Variants in LRMDA observed in about 807,000 individuals in gnomAD.
LRMDA encodes leucine rich melanocyte differentiation associated.
A neutral mutation model predicts 29.8 loss-of-function variants in LRMDA; 18 were observed. The ratio of observed to expected loss-of-function variants is 0.60; its 90% CI spans 0.42 to 0.90. The LOEUF is 0.90. Ranked by LOEUF, LRMDA falls within the 40% of genes least tolerant of loss-of-function variation. LRMDA has a pLI of 0.00. For synonymous variants in LRMDA, 125 were observed against 109.4 expected (o/e 1.14, Z -0.89); for missense variants, 273 against 273.9 (o/e 1.00, Z 0.02).
At chr10:76,055,095 GAAAA>G (rs370520940) in intron 4 of LRMDA, among the ~76,000 whole-genome samples, 11 of 90,836 alleles carry the variant, frequency 1.2e-4, no homozygotes, top group African/African-American at 3.5e-4. Flanking sequence ...AAAAAAAAAA[GAAAA>G]AGAAAAGAAA....
chr10:76,517,542 C>T lies in LRMDA; in HGVS notation c.602-39667C>T, dbSNP rs548448602. 2.6e-5 allele frequency among the ~76,000 whole-genome samples: 4 copies of T among 151,546 alleles called. No individual in the cohort carries two copies. The South Asian group carries it at 8.3e-4, about 32-fold the overall frequency. On this transcript the variant is annotated intron_variant, in intron 6 of 6. Transcript: ENST00000611255. ...GCAAAATAAGAAATATTGGTATGGACAAAATGGAAAGAATTTACTAACTGT... is the reference window on the plus strand; with the variant it reads ...GCAAAATAAGAAATATTGGTATGGATAAAATGGAAAGAATTTACTAACTGT...
intron 2 of LRMDA, among the ~76,000 whole-genome samples, chr10:75,706,243 A>AT (rs11399334): frequency 0.23 from 34,464 of 149,702 alleles, 4,045 homozygotes; most frequent in East Asian, 0.31. Flanking sequence ...TTTCTCACAT[A>AT]TTTTTTTTTT....
At chr10:76,322,597 T>A (rs566164992) in intron 5 of LRMDA, among the ~76,000 whole-genome samples, 3 of 152,348 alleles carry the variant, frequency 2.0e-5, no homozygotes, top group South Asian at 4.1e-4. Flanking sequence ...TGTAGCACAG[T>A]CAGAGATGTT....
intron 2 of LRMDA, among the ~76,000 whole-genome samples, chr10:75,884,245 TTG>T (rs57507869): frequency 0.074 from 8,059 of 109,388 alleles, 380 homozygotes; most frequent in African/African-American, 0.18. Flanking sequence ...GCAGGCGACT[TTG>T]TGTGTGTGTG....
At chr10:75,474,177 T>G (rs1186842902) in intron 2 of LRMDA, among the ~76,000 whole-genome samples, 1 of 152,190 alleles carries the variant, frequency 6.6e-6, no homozygotes, top group Non-Finnish European at 1.5e-5. Context: ...AGGATTCCTG[T>G]GATTAATGCA....
intron 6 of LRMDA, among the ~76,000 whole-genome samples, chr10:76,448,435 A>G (rs2132297587): frequency 6.6e-6 from 1 of 152,272 alleles, no homozygotes; most frequent in South Asian, 2.1e-4. Context: ...GGCACTTGAT[A>G]CATAATGAAA....
intron 2 of LRMDA, among the ~76,000 whole-genome samples, chr10:75,940,707 A>G (rs1429615543): frequency 6.6e-6 from 1 of 152,162 alleles, no homozygotes; most frequent in Non-Finnish European, 1.5e-5. Context: ...TGTGCTTAGT[A>G]GGTGCTTCAT....
At chr10:76,418,019 T>C (rs1440685345) in intron 6 of LRMDA, among the ~76,000 whole-genome samples, 4 of 152,172 alleles carry the variant, frequency 2.6e-5, no homozygotes, top group Admixed American at 2.6e-4. Flanking sequence ...CTCTTCTGGG[T>C]CAATGCCCTT....
At chr10:76,557,183 A>G in intron 6 of LRMDA, 26 bp from the exon 7 acceptor site, 2 of 1,592,104 alleles carry the variant, frequency 1.3e-6, no homozygotes, top group South Asian at 1.1e-5. Flanking sequence ...TGCCACCTGT[A>G]ATGATGTGTG....
Position 75,543,659 on chromosome 10 carries a change from A to T in LRMDA, c.131+105165A>T, listed in dbSNP as rs114936105. ...ATTTACTCCAGGATTCTGAAATAAG[A>T]TAGATATTTTATTTCATGTTTTTTA... On this transcript the variant is annotated intron_variant, in intron 2 of 6. Transcript: ENST00000611255. Among the ~76,000 whole-genome samples, 1,437 of 152,184 alleles carry T rather than the reference A, an allele frequency of 9.4e-3. 19 individuals carry two copies. Among genetic ancestry groups the T allele is most frequent in the African/African-American group, 0.031 (1,269 of 41,444 alleles).
In LRMDA at chr10:75,958,724, A is replaced by G. The variant is rs186959849; in HGVS notation, c.132-77284A>G. Among the ~76,000 whole-genome samples the G allele has an allele frequency of 3.0e-3, 462 of 152,348 alleles. 1 individual carries two copies. Among genetic ancestry groups the G allele is most frequent in the African/African-American group, 0.01 (434 of 41,582 alleles). ...AGCTGAGAGTAAGTTTGGAGAGTGTATTAGTCCGTTTTCACATTGCTGATA... is the reference window on the plus strand; with the variant it reads ...AGCTGAGAGTAAGTTTGGAGAGTGTGTTAGTCCGTTTTCACATTGCTGATA... On this transcript the variant is annotated intron_variant, in intron 2 of 6. Coordinates refer to ENST00000611255, the MANE Select transcript of LRMDA (RefSeq NM_001305581.2).
intron 2 of LRMDA, among the ~76,000 whole-genome samples, chr10:75,842,704 T>A (rs1365361100): frequency 6.6e-6 from 1 of 152,266 alleles, no homozygotes. Flanking sequence ...TGGGTCACCA[T>A]GTCAAATATA....
chr10:76,183,576 G>A (rs1027656371), intron 5 of LRMDA, among the ~76,000 whole-genome samples: 1 of 152,162 alleles, frequency 6.6e-6, no homozygotes, highest in African/African-American at 2.4e-5. Context: ...TCACCACTGG[G>A]GAGAGGGTGA....
Position 75,729,080 on chromosome 10 carries a change from C to T in LRMDA, c.131+290586C>T, listed in dbSNP as rs562005739. ...CATTAAGTCTCACTCCCCCAGCCCT[C>T]TCTTTTGCCACATCGCAGGACTGGT... On this transcript the variant is annotated intron_variant, in intron 2 of 6. Coordinates refer to ENST00000611255, the MANE Select transcript of LRMDA (RefSeq NM_001305581.2). Among the ~76,000 whole-genome samples the T allele has an allele frequency of 2.0e-5, 3 of 152,338 alleles. No homozygotes were observed. The South Asian group carries it at 6.2e-4, about 32-fold the overall frequency.
intron 2 of LRMDA, among the ~76,000 whole-genome samples, chr10:75,728,364 TA>T (rs996604628): frequency 1.3e-5 from 2 of 151,888 alleles, no homozygotes; most frequent in Admixed American, 6.6e-5. Flanking sequence ...GGGCTGTCAT[TA>T]AAAAATGATG....
chr10:75,942,411 A>G (rs936524924), intron 2 of LRMDA, among the ~76,000 whole-genome samples: 6 of 152,196 alleles, frequency 3.9e-5, no homozygotes, highest in Non-Finnish European at 7.4e-5. Context: ...GGTAATAACC[A>G]ATAACATTTC....
At chr10:75,532,162 G>T (rs1288069493) in intron 2 of LRMDA, among the ~76,000 whole-genome samples, 2 of 151,440 alleles carry the variant, frequency 1.3e-5, no homozygotes, top group Non-Finnish European at 2.9e-5. Context: ...CTCTTGGGCT[G>T]TTATTTGTCT....
intron 2 of LRMDA, among the ~76,000 whole-genome samples, chr10:75,597,830 T>G (rs897701712): frequency 5.3e-5 from 8 of 152,136 alleles, no homozygotes; most frequent in Non-Finnish European, 1.0e-4. Flanking sequence ...GCCTGGGCGC[T>G]TTTATGTTGT....
At chr10:75,548,491 G>A (rs1203037755) in intron 2 of LRMDA, among the ~76,000 whole-genome samples, 1 of 151,988 alleles carries the variant, frequency 6.6e-6, no homozygotes, top group African/African-American at 2.4e-5. Flanking sequence ...CTCCTTCCTC[G>A]CTAATTAGGT....
Sources: allele counts gnomAD v4.1 joint callset (sites outside exome capture counted in the v4.1 genomes callset), GRCh38; gene constraint gnomAD v4.1.1; transcripts MANE v1.5; gene names NCBI Gene and HGNC (gene_info 2026-07-23, HGNC 2026-07-21).